MYO16: variants seen among roughly 807,000 people sequenced by gnomAD.
MYO16 encodes myosin XVI, also known as unconventional myosin-XVI.
MYO16 carries 94 observed loss-of-function variants against 205.3 expected under a neutral mutation model. That is an observed-to-expected ratio of 0.46 (90% CI 0.39 to 0.54). The LOEUF (loss-of-function observed/expected upper bound fraction) is 0.54. MYO16 is among the 20% of genes least tolerant of loss of function. The pLI, the probability that MYO16 is intolerant of heterozygous loss-of-function variation, is 0.00. For missense variants in MYO16, 2,315 were observed against 2,387.5 expected (o/e 0.97, Z 0.63); for synonymous variants, 988 against 954.0 (o/e 1.04, Z -0.66).
chr13:108,590,707 G>A, the MYO16 span, among the ~76,000 whole-genome samples: 48 of 152,222 alleles, frequency 3.2e-4, no homozygotes, highest in African/African-American at 1.1e-3. Flanking sequence ...AAAGAGAGAA[G>A]GCCTTGTGAA....
At chr13:109,172,826 A>G (rs1473297365) in intron 33 of MYO16, among the ~76,000 whole-genome samples, 1 of 16,096 alleles carries the variant, frequency 6.2e-5, no homozygotes, top group Non-Finnish European at 1.6e-4. Context: ...AATTACATGA[A>G]TGAGGTAGAT....
chr13:108,840,701 C>A (rs75049060), intron 9 of MYO16, among the ~76,000 whole-genome samples: 3,830 of 152,204 alleles, frequency 0.025, 127 homozygotes, highest in East Asian at 0.11. Flanking sequence ...CCACAGCTGG[C>A]TAACTTTTTA....
chr13:108,878,417 C>A (rs2139155945), intron 12 of MYO16, among the ~76,000 whole-genome samples: 1 of 152,230 alleles, frequency 6.6e-6, no homozygotes, highest in South Asian at 2.1e-4. Context: ...GGCCAAACTC[C>A]AGGGAAGATC....
intron 34 of MYO16, among the ~76,000 whole-genome samples, chr13:109,199,228 A>G (rs1163410014): frequency 3.1e-5 from 3 of 95,754 alleles, no homozygotes; most frequent in East Asian, 7.0e-4. Flanking sequence ...ATATATATAT[A>G]TATATATATA....
At chr13:108,966,839 G>A (rs1594432747) in intron 20 of MYO16, among the ~76,000 whole-genome samples, 1 of 152,140 alleles carries the variant, frequency 6.6e-6, no homozygotes, top group South Asian at 2.1e-4. Flanking sequence ...CAGATTTATA[G>A]GCCCATTTCC....
intron 32 of MYO16, among the ~76,000 whole-genome samples, chr13:109,154,312 C>T (rs897622473): frequency 1.3e-5 from 2 of 152,148 alleles, no homozygotes; most frequent in African/African-American, 2.4e-5. Context: ...TCCATCCCAC[C>T]GCCTTGGGTG....
chr13:108,789,799 C>T (rs555445892), intron 5 of MYO16, among the ~76,000 whole-genome samples: 65 of 152,264 alleles, frequency 4.3e-4, no homozygotes, highest in African/African-American at 1.6e-3. Context: ...TAGTGAATTG[C>T]AAATGCCTGT....
the MYO16 span, among the ~76,000 whole-genome samples, chr13:108,551,773 A>T: frequency 6.6e-6 from 1 of 152,118 alleles, no homozygotes; most frequent in Non-Finnish European, 1.5e-5. Flanking sequence ...CACAACTAAC[A>T]TCTAATGTTC....
chr13:108,644,140 C>T (rs550031230), intron 1 of MYO16, among the ~76,000 whole-genome samples: 105 of 152,232 alleles, frequency 6.9e-4, no homozygotes, highest in Non-Finnish European at 1.1e-3. Flanking sequence ...AGCTCTGAGA[C>T]GGGGAGAAAT....
intron 6 of MYO16, among the ~76,000 whole-genome samples, chr13:108,794,243 A>G (rs1886712244): frequency 6.6e-6 from 1 of 152,230 alleles, no homozygotes; most frequent in African/African-American, 2.4e-5. Context: ...TACCTGCGTA[A>G]TGAAATAATC....
intron 10 of MYO16, among the ~76,000 whole-genome samples, chr13:108,848,094 A>G (rs1180639263): frequency 6.6e-6 from 1 of 152,130 alleles, no homozygotes; most frequent in Non-Finnish European, 1.5e-5. Flanking sequence ...CATGTGCAAA[A>G]TGGGTACATA....
chr13:108,727,778 A>G (rs1884392499), intron 4 of MYO16, among the ~76,000 whole-genome samples, 195 bp downstream of exon 4: 1 of 152,252 alleles, frequency 6.6e-6, no homozygotes, highest in Non-Finnish European at 1.5e-5. Context: ...CAATTTGTGC[A>G]GATACTATGC....
chr13:108,840,747 G>T (rs774821012), intron 9 of MYO16, among the ~76,000 whole-genome samples: 10 of 152,130 alleles, frequency 6.6e-5, no homozygotes, highest in Admixed American at 5.2e-4. Context: ...TGTTGCCCAG[G>T]CTGGTCTCAG....
chr13:108,988,213 G>T (rs1483333676), intron 20 of MYO16, among the ~76,000 whole-genome samples: 1 of 152,130 alleles, frequency 6.6e-6, no homozygotes, highest in South Asian at 2.1e-4. Context: ...ATCAATAAGG[G>T]GAATGACAGT....
intron 4 of MYO16, among the ~76,000 whole-genome samples, chr13:108,739,171 T>G (rs9520998): frequency 1.3e-5 from 2 of 151,832 alleles, no homozygotes; most frequent in African/African-American, 4.8e-5. Context: ...AATTTGATCC[T>G]GTCATTATGA....
At chr13:108,911,066 C>CACACACACACACAGAG (rs59417999) in intron 16 of MYO16, among the ~76,000 whole-genome samples, 80 of 143,118 alleles carry the variant, frequency 5.6e-4, no homozygotes, top group African/African-American at 1.9e-3. Context: ...CACACACACA[C>CACACACACACACAGAG]AGAGAGAGAG....
chr13:108,771,329 C>T (rs1053058509), intron 4 of MYO16, among the ~76,000 whole-genome samples: 1 of 152,030 alleles, frequency 6.6e-6, no homozygotes, highest in Non-Finnish European at 1.5e-5. Context: ...ATGTGAGATG[C>T]CATCATTTAT....
intron 28 of MYO16, 128 bp downstream of exon 28, chr13:109,101,015 C>T: frequency 1.4e-6 from 1 of 716,266 alleles, no homozygotes; most frequent in Non-Finnish European, 2.4e-6. Context: ...CAAGGCGTGA[C>T]ATTAAGTGTA....
intron 27 of MYO16, among the ~76,000 whole-genome samples, chr13:109,064,842 A>G (rs555648375): frequency 6.6e-6 from 1 of 152,286 alleles, no homozygotes; most frequent in South Asian, 2.1e-4. Flanking sequence ...TGTACTGCAA[A>G]ACACATAACA....
Sources: gnomAD v4.1 joint callset for allele counts (sites outside exome capture counted in the v4.1 genomes callset) on GRCh38, gnomAD v4.1.1 for gene constraint, MANE v1.5 for transcripts, NCBI Gene and HGNC (gene_info 2026-07-23, HGNC 2026-07-21) for gene names.